PLAC1: variants seen among roughly 807,000 people sequenced by gnomAD.
The protein encoded by PLAC1 is placenta associated 1.
For synonymous variants in PLAC1, 68 were observed against 62.1 expected (o/e 1.09, Z -0.44); for missense variants, 136 against 163.2 (o/e 0.83, Z 0.91).
chrX:134,570,054 T>C (rs1352274441), intron 2 of PLAC1, among the ~76,000 whole-genome samples: 1 of 111,482 alleles, frequency 9.0e-6, no homozygotes. Flanking sequence ...GCTCTCGAAC[T>C]CCTGACCTCA....
At chrX:134,665,724 G>A (rs761407305) in intron 2 of PLAC1, among the ~76,000 whole-genome samples, 1 of 111,504 alleles carries the variant, frequency 9.0e-6, no homozygotes, top group Non-Finnish European at 1.9e-5. Flanking sequence ...GGGAGTGCAA[G>A]AGGTTTAGCG....
intron 1 of PLAC1, among the ~76,000 whole-genome samples, chrX:134,649,903 G>A (rs1331130904): frequency 2.7e-5 from 3 of 111,589 alleles, no homozygotes; most frequent in Admixed American, 1.9e-4. Context: ...CCTGTCTCCC[G>A]CCCCGGGGGG....
At chrX:134,727,396 C>T (rs935071565) in intron 2 of PLAC1, among the ~76,000 whole-genome samples, 3 of 111,842 alleles carry the variant, frequency 2.7e-5, no homozygotes, top group Non-Finnish European at 5.6e-5. Context: ...TGCTGATTTG[C>T]CTTGTAATTT....
At chrX:134,752,807 A>G (rs1252195233) in intron 1 of PLAC1, among the ~76,000 whole-genome samples, 1 of 111,726 alleles carries the variant, frequency 9.0e-6, no homozygotes, top group Non-Finnish European at 1.9e-5. Context: ...GGCAGTCCCA[A>G]AGCTCGGTGA....
chrX:134,719,487 C>T (rs919749721), intron 2 of PLAC1, among the ~76,000 whole-genome samples: 5 of 111,803 alleles, frequency 4.5e-5, no homozygotes, highest in African/African-American at 1.6e-4. Flanking sequence ...GATAAAAGCA[C>T]TCAGTAGGCC....
At chrX:134,748,261 C>T (rs1264718607) in intron 1 of PLAC1, among the ~76,000 whole-genome samples, 7 of 104,118 alleles carry the variant, frequency 6.7e-5, no homozygotes, top group Admixed American at 4.3e-4. Context: ...ACCCGGGAGG[C>T]GGAGGTTGCA....
At chrX:134,703,830 A>G (rs1449226104) in intron 2 of PLAC1, among the ~76,000 whole-genome samples, 1 of 109,261 alleles carries the variant, frequency 9.2e-6, no homozygotes, top group Non-Finnish European at 1.9e-5. Context: ...CCCACTTAAG[A>G]TAGAGAGTAG....
chrX:134,758,302 C>A (rs1343398588), intron 1 of PLAC1, among the ~76,000 whole-genome samples: 2 of 111,394 alleles, frequency 1.8e-5, no homozygotes, highest in Non-Finnish European at 3.8e-5. Flanking sequence ...AAAAAACAAT[C>A]CTAAAATTCA....
At chrX:134,728,563 G>A (rs894047478) in intron 2 of PLAC1, among the ~76,000 whole-genome samples, 1 of 111,814 alleles carries the variant, frequency 8.9e-6, no homozygotes, top group African/African-American at 3.2e-5. Flanking sequence ...TAAAATAAAG[G>A]AGAAATGAAG....
At chrX:134,663,451 C>T (rs182932330), upstream of PLAC1, among the ~76,000 whole-genome samples, 175 of 112,709 alleles carry the variant, frequency 1.6e-3, 1 homozygote, top group Middle Eastern at 0.014. Flanking sequence ...TGTGTGTGCG[C>T]GCACGCGCGT....
intron 2 of PLAC1, among the ~76,000 whole-genome samples, chrX:134,706,140 G>A (rs2078603901): frequency 8.9e-6 from 1 of 112,528 alleles, no homozygotes; most frequent in African/African-American, 3.2e-5. Context: ...AAGAACAACC[G>A]TGTAGAACAG....
chrX:134,667,760 A>C (rs1161642689), intron 2 of PLAC1, among the ~76,000 whole-genome samples: 1 of 108,609 alleles, frequency 9.2e-6, no homozygotes, highest in Non-Finnish European at 1.9e-5. Flanking sequence ...CATCTCTATA[A>C]AAAAAAAATT....
At chrX:134,618,999 G>C (rs1430502216) in intron 1 of PLAC1, among the ~76,000 whole-genome samples, 1 of 112,312 alleles carries the variant, frequency 8.9e-6, no homozygotes, top group Non-Finnish European at 1.9e-5. Context: ...ATACGACAGA[G>C]AAAAAGTCAA....
intron 1 of PLAC1, among the ~76,000 whole-genome samples, chrX:134,638,940 C>T (rs1053948805): frequency 9.0e-6 from 1 of 111,527 alleles, no homozygotes; most frequent in Non-Finnish European, 1.9e-5. Flanking sequence ...TCCTCCCACC[C>T]TCCACCCTCA....
At chrX:134,588,794 A>G (rs2078019470) in intron 2 of PLAC1, among the ~76,000 whole-genome samples, 1 of 110,911 alleles carries the variant, frequency 9.0e-6, no homozygotes, top group Non-Finnish European at 1.9e-5. Context: ...TTCAAGCAAT[A>G]CAGGGCATCC....
At chrX:134,574,472 A>G (rs1342181927) in intron 2 of PLAC1, among the ~76,000 whole-genome samples, 1 of 111,598 alleles carries the variant, frequency 9.0e-6, no homozygotes. Flanking sequence ...GAGCCTTTCT[A>G]TAATAGTTAG....
chrX:134,758,993 T>C (rs1377734074), intron 1 of PLAC1, among the ~76,000 whole-genome samples: 2 of 111,412 alleles, frequency 1.8e-5, no homozygotes, highest in Non-Finnish European at 3.8e-5. Flanking sequence ...AAAGAAAACA[T>C]ACAAACAGCC....
intron 1 of PLAC1, among the ~76,000 whole-genome samples, chrX:134,632,597 A>G (rs2078267455): frequency 9.0e-6 from 1 of 110,996 alleles, no homozygotes; most frequent in Non-Finnish European, 1.9e-5. Context: ...ACCTTCTATC[A>G]AGTCCCATCC....
chrX:134,600,531 T>G (rs1365039215), intron 2 of PLAC1, among the ~76,000 whole-genome samples: 1 of 111,076 alleles, frequency 9.0e-6, no homozygotes, highest in East Asian at 2.8e-4. Flanking sequence ...AACTGACCAC[T>G]GCCGTAACCA....
Sources: gnomAD v4.1 joint callset for allele counts (sites outside exome capture counted in the v4.1 genomes callset) on GRCh38, gnomAD v4.1.1 for gene constraint, MANE v1.5 for transcripts, NCBI Gene and HGNC (gene_info 2026-07-23, HGNC 2026-07-21) for gene names.